The following TNNI3K variants were observed in gnomAD, a reference collection of about 807,000 sequenced individuals.
TNNI3K encodes TNNI3 interacting kinase, also known as serine/threonine-protein kinase TNNI3K.
TNNI3K carries 140 observed loss-of-function variants against 114.5 expected under a neutral mutation model. The observed-to-expected ratio is 1.22, with a 90% CI of 1.07 to 1.41. The LOEUF (loss-of-function observed/expected upper bound fraction) is 1.41, where lower values mean the gene tolerates loss of function less well. Among genes scored for constraint, TNNI3K ranks in the 40% most tolerant of loss-of-function variants. The pLI is 0.00. For missense variants in TNNI3K, 1,125 were observed against 1,007.6 expected (o/e 1.12, Z -1.58); for synonymous variants, 347 against 347.5 (o/e 1.00, Z 0.02).
intron 17 of TNNI3K, among the ~76,000 whole-genome samples, chr1:74,380,500 C>G (rs534795587): frequency 6.6e-6 from 1 of 152,192 alleles, no homozygotes; most frequent in Admixed American, 6.5e-5. Context: ...ACAGACTGAG[C>G]GTGGAAGGGA....
At chr1:74,471,340 T>C (rs1667923759) in intron 21 of TNNI3K, 1 of 400,716 alleles carries the variant, frequency 2.5e-6, no homozygotes, top group Non-Finnish European at 4.4e-6. Context: ...AGTATTTATT[T>C]TGGCTTCTGT....
intron 6 of TNNI3K, among the ~76,000 whole-genome samples, chr1:74,333,428 A>G (rs978381382): frequency 1.3e-5 from 2 of 152,212 alleles, no homozygotes; most frequent in African/African-American, 4.8e-5. Flanking sequence ...TATACAATGC[A>G]TATTATTTGT....
intron 20 of TNNI3K, among the ~76,000 whole-genome samples, chr1:74,455,495 A>C (rs1302500703): frequency 3.3e-5 from 5 of 152,188 alleles, no homozygotes. Context: ...GAACAAGTGG[A>C]ATATATCTAT....
intron 17 of TNNI3K, chr1:74,377,096 T>C (rs529969333): frequency 6.6e-6 from 1 of 152,164 alleles, no homozygotes; most frequent in South Asian, 2.1e-4. Context: ...TTCCAATATC[T>C]AGGCAAGGTT....
rs1336441056 is a variant in TNNI3K at position 74,446,965 on chromosome 1, C to T, written c.2011+7343C>T. Among the ~76,000 whole-genome samples, 42 of 74,046 alleles carry T rather than the reference C, an allele frequency of 5.7e-4. 1 individual carries two copies. The highest frequency in any genetic ancestry group is 1.8e-3 in the African/African-American group (38 of 21,138). The allele number at this position is 74,046 out of a possible 152,430, so 48.6% of individuals were successfully genotyped here. A position where few individuals can be genotyped will look rare whatever the true frequency, so the allele number is the denominator to read the frequency against. On this transcript the variant is annotated intron_variant, in intron 20 of 24. Transcript: ENST00000326637. ...GTAGCCTTGTAGTATAGTTTGAAGTCAGGTAATGTGATGCCTCCAGCTTTG... is the reference window on the plus strand; with the variant it reads ...GTAGCCTTGTAGTATAGTTTGAAGTTAGGTAATGTGATGCCTCCAGCTTTG...
intron 11 of TNNI3K, 52 bp downstream of exon 11, chr1:74,354,181 A>C (rs775247280): frequency 6.3e-7 from 1 of 1,599,170 alleles, no homozygotes; most frequent in South Asian, 1.1e-5. Flanking sequence ...CTGTGTGCAT[A>C]GATTATGTCA....
intron 5 of TNNI3K, among the ~76,000 whole-genome samples, chr1:74,294,388 A>G (rs1312004697): frequency 1.3e-5 from 2 of 151,972 alleles, no homozygotes. Context: ...CAAATTATGA[A>G]TTTGATATTT....
At chr1:74,277,650 G>A (rs761386428) in intron 5 of TNNI3K, among the ~76,000 whole-genome samples, 29 of 152,070 alleles carry the variant, frequency 1.9e-4, no homozygotes, top group Non-Finnish European at 2.5e-4. Context: ...CTGGTGTTAC[G>A]TGCTGTAGTT....
chr1:74,303,874 T>C (rs1290383174), intron 5 of TNNI3K, among the ~76,000 whole-genome samples: 1 of 152,140 alleles, frequency 6.6e-6, no homozygotes, highest in Non-Finnish European at 1.5e-5. Context: ...ATTCCAGCCC[T>C]CAAGGATGAC....
At chr1:74,517,125 T>G (rs539937160) in intron 23 of TNNI3K, among the ~76,000 whole-genome samples, 4 of 152,298 alleles carry the variant, frequency 2.6e-5, no homozygotes, top group African/African-American at 9.6e-5. Flanking sequence ...TTATTATGTA[T>G]TACACAAATC....
chr1:74,439,027 G>A (rs888679631), intron 19 of TNNI3K: 1 of 152,292 alleles, frequency 6.6e-6, no homozygotes, highest in Non-Finnish European at 1.5e-5. Context: ...ATTACAACCT[G>A]AAGACTTGAA....
At chr1:74,537,384 T>G (rs1261168817) in intron 23 of TNNI3K, among the ~76,000 whole-genome samples, 2 of 152,180 alleles carry the variant, frequency 1.3e-5, no homozygotes, top group Non-Finnish European at 2.9e-5. Flanking sequence ...AGCCAATACT[T>G]TGTCTTCTTC....
chr1:74,267,077 G>A (rs1656040426), intron 4 of TNNI3K, among the ~76,000 whole-genome samples: 1 of 151,936 alleles, frequency 6.6e-6, no homozygotes, highest in African/African-American at 2.4e-5. Context: ...TGGCTAGAGA[G>A]TGCATAAAGG....
intron 17 of TNNI3K, among the ~76,000 whole-genome samples, chr1:74,403,644 C>T (rs1160925520): frequency 6.6e-6 from 1 of 151,994 alleles, no homozygotes; most frequent in Non-Finnish European, 1.5e-5. Flanking sequence ...GAAAATGAAC[C>T]AGTGGCTTTG....
chr1:74,417,754 TGAGA>T (rs1665200000), intron 17 of TNNI3K, among the ~76,000 whole-genome samples: 2 of 145,098 alleles, frequency 1.4e-5, no homozygotes, highest in East Asian at 4.0e-4. Context: ...GAGAGAGAGA[TGAGA>T]GAGAGAAAAG....
intron 20 of TNNI3K, 147 bp from the exon 21 acceptor site, chr1:74,463,294 T>TG: frequency 4.0e-6 from 3 of 756,328 alleles, no homozygotes; most frequent in Non-Finnish European, 4.4e-6. Flanking sequence ...TTTAGACCAT[T>TG]GGGGGAAAAA....
intron 5 of TNNI3K, among the ~76,000 whole-genome samples, chr1:74,311,111 G>T (rs1389278448): frequency 1.3e-5 from 2 of 152,020 alleles, no homozygotes; most frequent in African/African-American, 2.4e-5. Context: ...TATTGTTTTT[G>T]CAGTTAACCT....
At chr1:74,263,583 T>C (rs749686920) in intron 4 of TNNI3K, among the ~76,000 whole-genome samples, 3 of 151,964 alleles carry the variant, frequency 2.0e-5, no homozygotes, top group Non-Finnish European at 4.4e-5. Flanking sequence ...TAGGAAATTG[T>C]CAGATACCTC....
chr1:74,449,998 G>C lies in TNNI3K; in HGVS notation c.2011+10376G>C, dbSNP rs1242475653. Among the ~76,000 whole-genome samples the C allele has an allele frequency of 4.5e-3, 423 of 94,158 alleles. 2 individuals carry two copies. Among genetic ancestry groups the C allele is most frequent in the African/African-American group, 0.017 (391 of 22,468 alleles). 61.8% of individuals were successfully genotyped at this position (94,158 alleles called of 152,430 possible). ...CACCTATTCCAAAATTGACCACATA[G>C]TTGGAAGTAAAGCTCTCCTCAGCAA... On this transcript the variant is annotated intron_variant, in intron 20 of 24. Coordinates refer to ENST00000326637, the MANE Select transcript of TNNI3K (RefSeq NM_015978.3).
Sources: gnomAD v4.1 joint callset for allele counts (sites outside exome capture counted in the v4.1 genomes callset) on GRCh38, gnomAD v4.1.1 for gene constraint, MANE v1.5 for transcripts, NCBI Gene and HGNC (gene_info 2026-07-23, HGNC 2026-07-21) for gene names.